Variants in PTPN3 observed in about 807,000 individuals in gnomAD.
The protein encoded by PTPN3 is tyrosine-protein phosphatase non-receptor type 3.
A neutral mutation model predicts 132.7 loss-of-function variants in PTPN3; 96 were observed. The ratio of observed to expected loss-of-function variants is 0.72; its 90% confidence interval spans 0.61 to 0.86. The LOEUF is 0.86. PTPN3 is among the 40% of genes least tolerant of loss of function. The pLI is 0.00. For synonymous variants in PTPN3, 398 were observed against 429.0 expected (o/e 0.93, Z 0.89); for missense variants, 1,125 against 1,159.6 (o/e 0.97, Z 0.43).
At chr9:109,480,340 T>C (rs964001751) in intron 1 of PTPN3, among the ~76,000 whole-genome samples, 1 of 152,110 alleles carries the variant, frequency 6.6e-6, no homozygotes, top group African/African-American at 2.4e-5. Flanking sequence ...AATTTTTGTA[T>C]TTTTTGTAGA....
Position 109,426,963 on chromosome 9 carries a change from G to A in PTPN3, c.988C>T (p.Arg330Trp), listed in dbSNP as rs370526852. The A allele has an allele frequency of 6.2e-6, 10 of 1,612,246 alleles. No individual in the cohort carries two copies. Among genetic ancestry groups the A allele is most frequent in the East Asian group, 2.2e-5 (1 of 44,854 alleles). The change falls in exon 12 of 26, where the codon CGG (arginine) becomes TGG (tryptophan). Residue 330 changes from arginine to tryptophan, a missense_variant. Coordinates refer to ENST00000374541, the MANE Select transcript of PTPN3 (RefSeq NM_002829.4). ...CAGCACACTCACTTTTTGGTGTTCCGAGAGCCCATAGTCCAGTACTGAGAC... is the reference window on the plus strand; with the variant it reads ...CAGCACACTCACTTTTTGGTGTTCCAAGAGCCCATAGTCCAGTACTGAGAC... ...VLSQYWTMGS[R>W]NTKKSVNNQY...
chr9:109,473,310 T>C (rs1194599909), intron 1 of PTPN3, among the ~76,000 whole-genome samples: 1 of 152,206 alleles, frequency 6.6e-6, no homozygotes, highest in Non-Finnish European at 1.5e-5. Flanking sequence ...GTGGAGTCAT[T>C]TGTAGGACCC....
intron 19 of PTPN3, among the ~76,000 whole-genome samples, chr9:109,395,143 T>TA (rs1236429962): frequency 2.9e-5 from 4 of 138,038 alleles, no homozygotes; most frequent in Non-Finnish European, 3.2e-5. Flanking sequence ...CCATCTCAAT[T>TA]TAAAAAAAAA....
chr9:109,433,069 T>C lies in PTPN3; in HGVS notation c.764+4A>G, dbSNP rs751586182. On this transcript the variant is annotated splice_donor_region_variant and intron_variant, in intron 10 of 25. Coordinates refer to ENST00000374541, the MANE Select transcript of PTPN3 (RefSeq NM_002829.4). ...AGAAAATAATGAGAACTGTTTGCAC[T>C]TACCAAGGATAGAAACTTGTGCAAA... The C allele has an allele frequency of 1.2e-6, 2 of 1,613,892 alleles. No individual in the cohort carries two copies. The highest frequency in any genetic ancestry group is 1.7e-6 in the Non-Finnish European group (2 of 1,179,932).
intron 19 of PTPN3, among the ~76,000 whole-genome samples, chr9:109,402,648 C>T (rs1478298777): frequency 1.3e-5 from 2 of 152,124 alleles, no homozygotes; most frequent in East Asian, 3.8e-4. Context: ...GGGCTATTTC[C>T]CTTTGTAGAA....
the PTPN3 span, among the ~76,000 whole-genome samples, chr9:109,537,279 T>C: frequency 7.2e-5 from 11 of 152,354 alleles, no homozygotes; most frequent in South Asian, 8.3e-4. Flanking sequence ...TAGTGACTAG[T>C]ACCCTTGGCT....
chr9:109,494,526 T>G (rs1351615212), intron 1 of PTPN3, among the ~76,000 whole-genome samples: 2 of 152,198 alleles, frequency 1.3e-5, no homozygotes, highest in African/African-American at 4.8e-5. Flanking sequence ...CCTGCTGTTT[T>G]GCCTGCCCTA....
intron 1 of PTPN3, among the ~76,000 whole-genome samples, chr9:109,496,843 G>A (rs1847688944): frequency 6.6e-6 from 1 of 152,158 alleles, no homozygotes; most frequent in African/African-American, 2.4e-5. Context: ...ACAATGCCCA[G>A]GACACAAAGA....
chr9:109,383,810 G>A (rs1173359416), intron 22 of PTPN3, among the ~76,000 whole-genome samples: 1 of 152,114 alleles, frequency 6.6e-6, no homozygotes, highest in Non-Finnish European at 1.5e-5. Context: ...ATCACCAGGG[G>A]CCACTCGCTG....
intron 14 of PTPN3, among the ~76,000 whole-genome samples, chr9:109,415,077 A>ACCAT (rs201768060): frequency 0.24 from 30,370 of 124,876 alleles, 3,283 homozygotes; most frequent in East Asian, 0.33. Flanking sequence ...CGTCCATCCA[A>ACCAT]CCATCCATCC....
At chr9:109,430,610 A>C (rs1467079363) in intron 10 of PTPN3, among the ~76,000 whole-genome samples, 1 of 152,210 alleles carries the variant, frequency 6.6e-6, no homozygotes, top group African/African-American at 2.4e-5. Context: ...GACAGAGGGA[A>C]GAGGACATGG....
chr9:109,394,553 A>G (rs1024704372), intron 19 of PTPN3, among the ~76,000 whole-genome samples: 1 of 151,494 alleles, frequency 6.6e-6, no homozygotes, highest in African/African-American at 2.4e-5. Flanking sequence ...AGTGGTTCTC[A>G]TGCCTCAGCC....
At chr9:109,506,101 AG>A in the PTPN3 span, among the ~76,000 whole-genome samples, 1 of 152,084 alleles carries the variant, frequency 6.6e-6, no homozygotes, top group African/African-American at 2.4e-5. Flanking sequence ...GTAGAAGGAG[AG>A]GGGAAGAAGA....
At chr9:109,391,108 T>C (rs1449763871) in intron 21 of PTPN3, 30 bp downstream of exon 21, 2 of 1,594,806 alleles carry the variant, frequency 1.3e-6, no homozygotes, top group East Asian at 2.2e-5. Flanking sequence ...GTGAATGTGC[T>C]CTTAAGCATC....
chr9:109,417,876 C>T (rs1385534806), intron 14 of PTPN3: 2 of 806,742 alleles, frequency 2.5e-6, no homozygotes, highest in Non-Finnish European at 3.0e-6. Context: ...CAAGATGACA[C>T]ACTTTACAAG....
chr9:109,410,726 T>G (rs975276894), intron 14 of PTPN3, among the ~76,000 whole-genome samples: 2 of 152,196 alleles, frequency 1.3e-5, no homozygotes, highest in Admixed American at 1.3e-4. Context: ...GCTCCTCTGG[T>G]GGTTTCATTA....
the PTPN3 span, among the ~76,000 whole-genome samples, chr9:109,510,576 AATATATATAT>A: frequency 8.5e-5 from 4 of 47,332 alleles, no homozygotes; most frequent in Non-Finnish European, 1.2e-4. Context: ...AAAAAAAAAA[AATATATATAT>A]ATATATATAT....
intron 22 of PTPN3, among the ~76,000 whole-genome samples, chr9:109,386,457 C>G (rs1267643107): frequency 6.6e-6 from 1 of 152,148 alleles, no homozygotes; most frequent in African/African-American, 2.4e-5. Flanking sequence ...GCACTGTCCT[C>G]AAGGTGCTCT....
In PTPN3 at chr9:109,406,539, T is replaced by C. The variant is rs1322259022; in HGVS notation, c.1715A>G (p.His572Arg). 5.0e-6 allele frequency: 8 copies of C among 1,614,076 alleles called. No homozygotes were observed. The highest frequency in any genetic ancestry group is 6.8e-6 in the Non-Finnish European group (8 of 1,180,030). The change falls in exon 18 of 26, where the codon CAT becomes CGT. Residue 572 changes from histidine to arginine, a missense_variant. Physicochemically the swap from His to Arg is conservative, Grantham distance 29. Transcript: ENST00000374541. ...TTTGATGAACATCACCACTTGGTCATGCGTGTGTTCTGAGATGTCCCGGCC... is the reference window on the plus strand; with the variant it reads ...TTTGATGAACATCACCACTTGGTCACGCGTGTGTTCTGAGATGTCCCGGCC... ...INGRDISEHT[H>R]DQVVMFIKAS... is the part of the protein sequence containing the mutation.
Sources: allele counts gnomAD v4.1 joint callset (sites outside exome capture counted in the v4.1 genomes callset), GRCh38; gene constraint gnomAD v4.1.1; transcripts MANE v1.5; gene names NCBI Gene and HGNC (gene_info 2026-07-23, HGNC 2026-07-21).